The following INPP5F variants were observed in gnomAD, a reference collection of about 807,000 sequenced individuals.
The protein encoded by INPP5F is phosphatidylinositide 4-phosphatase SAC2.
Under a neutral mutation model 137.2 loss-of-function variants are expected in INPP5F, and 97 were observed. The ratio of observed to expected loss-of-function variants is 0.71; its 90% CI spans 0.60 to 0.84. The LOEUF (loss-of-function observed/expected upper bound fraction) is 0.84. Among genes scored for constraint, INPP5F ranks in the 40% least tolerant of loss-of-function variants. INPP5F has a pLI of 0.00. For synonymous variants in INPP5F, 504 were observed against 476.9 expected, an observed-to-expected ratio of 1.06 and a Z score of -0.74; for missense variants, 1,271 against 1,371.9, an observed-to-expected ratio of 0.93 and a Z score of 1.16.
At chr10:119,805,891 C>T (rs912495644) in intron 11 of INPP5F, among the ~76,000 whole-genome samples, 5 of 152,146 alleles carry the variant, frequency 3.3e-5, no homozygotes, top group African/African-American at 1.2e-4. Flanking sequence ...CAGAAGAGAA[C>T]ATTTGATTAG....
intron 6 of INPP5F, among the ~76,000 whole-genome samples, chr10:119,794,658 C>T (rs1850266685): frequency 6.7e-6 from 1 of 149,966 alleles, no homozygotes; most frequent in African/African-American, 2.5e-5. Flanking sequence ...GCTGACCCCC[C>T]ACCTCCCTCC....
chr10:119,826,372 G>A (rs1851758225), intron 19 of INPP5F, among the ~76,000 whole-genome samples: 1 of 152,096 alleles, frequency 6.6e-6, no homozygotes. Context: ...GTATATATTG[G>A]GTTAAATGAA....
intron 2 of INPP5F, among the ~76,000 whole-genome samples, chr10:119,757,529 C>T (rs1377383796): frequency 5.3e-5 from 8 of 151,972 alleles, no homozygotes; most frequent in Admixed American, 2.6e-4. Flanking sequence ...TGGTGGCTCA[C>T]ACCTGTAATC....
chr10:119,788,904 A>T (rs570496707), intron 3 of INPP5F, among the ~76,000 whole-genome samples: 1 of 152,062 alleles, frequency 6.6e-6, no homozygotes. Flanking sequence ...CTGGGGGGAA[A>T]TTTTTGCTGG....
At chr10:119,818,783 C>A (rs569034706) in intron 15 of INPP5F, 8 of 152,270 alleles carry the variant, frequency 5.3e-5, no homozygotes, top group Admixed American at 2.0e-4. Context: ...GAGGCATCGA[C>A]GGACGGACAG....
intron 2 of INPP5F, among the ~76,000 whole-genome samples, 164 bp from the exon 3 acceptor site, chr10:119,781,471 A>G (rs1479997516): frequency 6.6e-6 from 1 of 152,146 alleles, no homozygotes; most frequent in Non-Finnish European, 1.5e-5. Flanking sequence ...ATCTTTTCAC[A>G]TGTTTAAGGG....
At chr10:119,816,420 C>G (rs957208070) in intron 15 of INPP5F, 1 of 152,156 alleles carries the variant, frequency 6.6e-6, no homozygotes, top group Non-Finnish European at 1.5e-5. Flanking sequence ...TTACAGAATT[C>G]TTTATTAACT....
At chr10:119,808,456 T>A (rs1850888290) in intron 13 of INPP5F, among the ~76,000 whole-genome samples, 1 of 152,244 alleles carries the variant, frequency 6.6e-6, no homozygotes, top group East Asian at 1.9e-4. Context: ...CAACCCTGCT[T>A]CTTAACTAGC....
chr10:119,780,952 C>T (rs1849680207), intron 2 of INPP5F, among the ~76,000 whole-genome samples: 1 of 152,198 alleles, frequency 6.6e-6, no homozygotes, highest in South Asian at 2.1e-4. Context: ...CAGTCCCCTG[C>T]AGATACCGAG....
intron 1 of INPP5F, among the ~76,000 whole-genome samples, chr10:119,731,073 C>T (rs188903587): frequency 6.6e-6 from 1 of 152,146 alleles, no homozygotes; most frequent in Non-Finnish European, 1.5e-5. Flanking sequence ...AGGCATGAGC[C>T]ACCGCGCCTG....
intron 2 of INPP5F, among the ~76,000 whole-genome samples, chr10:119,757,934 G>A (rs1231517001): frequency 6.6e-6 from 1 of 152,178 alleles, no homozygotes; most frequent in South Asian, 2.1e-4. Flanking sequence ...TACCTGCTGT[G>A]TCTCTGTGTG....
At chr10:119,736,414 C>T (rs1190102061) in intron 1 of INPP5F, among the ~76,000 whole-genome samples, 1 of 152,200 alleles carries the variant, frequency 6.6e-6, no homozygotes, top group East Asian at 1.9e-4. Context: ...AGTCCTCCTG[C>T]CTCAACCTCC....
intron 2 of INPP5F, among the ~76,000 whole-genome samples, chr10:119,779,601 G>A (rs1395681348): frequency 6.6e-6 from 1 of 151,684 alleles, no homozygotes; most frequent in Non-Finnish European, 1.5e-5. Flanking sequence ...TTAATTTTTT[G>A]TAGAAACGAG....
chr10:119,746,703 A>G (rs1183284402), intron 1 of INPP5F, among the ~76,000 whole-genome samples: 3 of 152,242 alleles, frequency 2.0e-5, no homozygotes, highest in Non-Finnish European at 2.9e-5. Context: ...GGAACTTGTA[A>G]GTCAATGAAA....
At chr10:119,768,523 TATA>T (rs1849243177) in intron 2 of INPP5F, 1 of 152,108 alleles carries the variant, frequency 6.6e-6, no homozygotes, top group African/African-American at 2.4e-5. Context: ...GCCTGGCCAA[TATA>T]ATGAGATCCT....
rs146979487 is a variant in INPP5F at position 119,826,051 on chromosome 10, C to T, written c.2250-580C>T. On this transcript the variant is annotated intron_variant, in intron 19 of 19. Transcript: ENST00000650623. ...ACAGGACATATAAGAAAATGGAAGT[C>T]TTACTCCTGTCTCCCCCCACTATCT... 969 of 398,380 alleles carry T rather than the reference C, an allele frequency of 2.4e-3. 11 individuals carry two copies. The highest frequency in any genetic ancestry group is 0.019 in the African/African-American group (902 of 48,718). 24.7% of individuals were successfully genotyped at this position (398,380 alleles called of 1,614,324 possible).
At chr10:119,820,165 T>C (rs1257784295) in intron 15 of INPP5F, among the ~76,000 whole-genome samples, 1 of 152,254 alleles carries the variant, frequency 6.6e-6, no homozygotes, top group Non-Finnish European at 1.5e-5. Flanking sequence ...TTGGTAATTT[T>C]ACAAGGATGT....
chr10:119,805,880 A>G (rs1197154415), intron 11 of INPP5F, among the ~76,000 whole-genome samples: 2 of 152,202 alleles, frequency 1.3e-5, no homozygotes, highest in African/African-American at 4.8e-5. Flanking sequence ...GGCTTAAAGG[A>G]CAGAAGAGAA....
chr10:119,759,870 G>A (rs950187691), intron 2 of INPP5F, among the ~76,000 whole-genome samples: 2 of 152,086 alleles, frequency 1.3e-5, no homozygotes, highest in Non-Finnish European at 2.9e-5. Flanking sequence ...CCTAGATGCT[G>A]AGTGCTTCGT....
Sources: allele counts gnomAD v4.1 joint callset (sites outside exome capture counted in the v4.1 genomes callset), GRCh38; gene constraint gnomAD v4.1.1; transcripts MANE v1.5; gene names NCBI Gene and HGNC (gene_info 2026-07-23, HGNC 2026-07-21).